Variants in ARHGAP28 observed in about 807,000 individuals in gnomAD.
ARHGAP28 encodes Rho GTPase activating protein 28, also known as rho GTPase-activating protein 28.
In ARHGAP28, 56 loss-of-function variants were observed where a neutral mutation model predicts 90.7. The ratio of observed to expected loss-of-function variants is 0.62; its 90% confidence interval spans 0.50 to 0.77. ARHGAP28 has a LOEUF of 0.77. Ranked by LOEUF, ARHGAP28 falls within the 30% of genes least tolerant of loss-of-function variation. The probability of loss-of-function intolerance (pLI) is 0.00; values close to 1 mark genes in which losing one functional copy is unlikely to be tolerated. For missense variants in ARHGAP28, 869 were observed against 900.9 expected (o/e 0.96, Z 0.45); for synonymous variants, 308 against 323.3 (o/e 0.95, Z 0.51).
chr18:6,747,428 G>C (rs1475339968), intron 1 of ARHGAP28, among the ~76,000 whole-genome samples: 1 of 152,140 alleles, frequency 6.6e-6, no homozygotes, highest in African/African-American at 2.4e-5. Context: ...ATGTTTGGCA[G>C]GGTTTAATTT....
At chr18:6,752,813 C>T (rs535033170) in intron 1 of ARHGAP28, among the ~76,000 whole-genome samples, 4 of 152,300 alleles carry the variant, frequency 2.6e-5, no homozygotes, top group African/African-American at 9.6e-5. Flanking sequence ...CCCCTGGTCA[C>T]AGTTCAGGAA....
At chr18:6,763,142 G>A (rs527535902) in intron 1 of ARHGAP28, among the ~76,000 whole-genome samples, 1 of 152,286 alleles carries the variant, frequency 6.6e-6, no homozygotes, top group Admixed American at 6.5e-5. Flanking sequence ...CCAGGCTGGA[G>A]TGCAGTGGCG....
At chr18:6,849,343 A>T (rs570336000) in intron 3 of ARHGAP28, among the ~76,000 whole-genome samples, 58 of 152,004 alleles carry the variant, frequency 3.8e-4, no homozygotes, top group Non-Finnish European at 7.8e-4. Context: ...GAGAACACTG[A>T]AGTTATTCTA....
At chr18:6,908,817 C>A in intron 16 of ARHGAP28, 143 bp from the exon 17 acceptor site, 1 of 621,610 alleles carries the variant, frequency 1.6e-6, no homozygotes, top group Non-Finnish European at 2.9e-6. Context: ...TTATTTTTAT[C>A]ATAACTTCAG....
At chr18:6,825,348 TATTA>T (rs2056654591) in intron 2 of ARHGAP28, among the ~76,000 whole-genome samples, 1 of 152,230 alleles carries the variant, frequency 6.6e-6, no homozygotes, top group South Asian at 2.1e-4. Flanking sequence ...AATACTTGAC[TATTA>T]ATTACTATTA....
chr18:6,894,708 A>T, intron 14 of ARHGAP28, 127 bp from the exon 15 acceptor site: 1 of 706,992 alleles, frequency 1.4e-6, no homozygotes, highest in Non-Finnish European at 2.4e-6. Context: ...ATTAAAGTGC[A>T]TATACATTTT....
At chr18:6,871,794 A>G (rs980986949) in intron 7 of ARHGAP28, among the ~76,000 whole-genome samples, 14 of 152,306 alleles carry the variant, frequency 9.2e-5, no homozygotes, top group African/African-American at 3.4e-4. Flanking sequence ...CAACCATCCC[A>G]TGACAGAGGA....
chr18:6,826,809 G>T (rs2056667743), intron 2 of ARHGAP28, among the ~76,000 whole-genome samples: 1 of 151,600 alleles, frequency 6.6e-6, no homozygotes, highest in African/African-American at 2.4e-5. Flanking sequence ...AAGGTCTCTG[G>T]TTTTCCTAGG....
At chr18:6,818,064 G>A (rs762939857) in intron 1 of ARHGAP28, among the ~76,000 whole-genome samples, 11 of 152,128 alleles carry the variant, frequency 7.2e-5, no homozygotes, top group Admixed American at 3.3e-4. Flanking sequence ...ACTAACACAC[G>A]GGTTGACTAT....
rs148872068 is a variant in ARHGAP28 at position 6,751,752 on chromosome 18, A to G, written c.122+21809A>G. 2.4e-3 allele frequency among the ~76,000 whole-genome samples: 364 copies of G among 152,338 alleles called. 2 individuals carry two copies. The highest frequency in any genetic ancestry group is 8.4e-3 in the African/African-American group (348 of 41,592). ...AGTTGCTCCCTGCTAGCAGCGTCATAGATCACAAAATAAAATAGTGCTGTC... is the reference window on the plus strand; with the variant it reads ...AGTTGCTCCCTGCTAGCAGCGTCATGGATCACAAAATAAAATAGTGCTGTC... On this transcript the variant is annotated intron_variant, in intron 1 of 17. Transcript: ENST00000383472.
At chr18:6,868,055 ACT>A in intron 5 of ARHGAP28, 93 bp from the exon 6 acceptor site, 2 of 955,402 alleles carry the variant, frequency 2.1e-6, no homozygotes, top group Non-Finnish European at 3.2e-6. Flanking sequence ...TGTGAAAATA[ACT>A]CTTGTATACT....
intron 1 of ARHGAP28, 92 bp downstream of exon 1, chr18:6,730,035 GC>G: frequency 8.4e-7 from 1 of 1,194,352 alleles, no homozygotes. Context: ...GCGCACGACC[GC>G]CGTCACTGGA....
chr18:6,773,532 G>A (rs1479952635), intron 1 of ARHGAP28, among the ~76,000 whole-genome samples: 2 of 152,114 alleles, frequency 1.3e-5, no homozygotes, highest in Non-Finnish European at 2.9e-5. Context: ...AAAATCTGAG[G>A]CCCAAAGAGA....
chr18:6,881,548 C>A (rs762044408), intron 10 of ARHGAP28, among the ~76,000 whole-genome samples: 3 of 152,152 alleles, frequency 2.0e-5, no homozygotes, highest in Non-Finnish European at 4.4e-5. Context: ...GTGTTCCAAA[C>A]CTTACAAAGG....
At chr18:6,731,832 A>C (rs1049997447) in intron 1 of ARHGAP28, among the ~76,000 whole-genome samples, 3 of 152,244 alleles carry the variant, frequency 2.0e-5, no homozygotes, top group Non-Finnish European at 4.4e-5. Flanking sequence ...CTCACTAACT[A>C]ATGATCAATA....
At chr18:6,780,045 G>T (rs1435729804) in intron 1 of ARHGAP28, among the ~76,000 whole-genome samples, 1 of 152,218 alleles carries the variant, frequency 6.6e-6, no homozygotes, top group African/African-American at 2.4e-5. Flanking sequence ...GGTGCTTCCA[G>T]GCAGGGCTGT....
chr18:6,831,383 T>C (rs980622352), intron 2 of ARHGAP28, among the ~76,000 whole-genome samples: 1 of 152,096 alleles, frequency 6.6e-6, no homozygotes, highest in African/African-American at 2.4e-5. Flanking sequence ...TTCATATTCT[T>C]AATGAGATCT....
intron 1 of ARHGAP28, among the ~76,000 whole-genome samples, chr18:6,750,108 C>T (rs187121418): frequency 3.9e-5 from 6 of 152,090 alleles, no homozygotes; most frequent in South Asian, 2.1e-4. Context: ...GGTCTGTGTG[C>T]GTGGTATTAA....
At chr18:6,768,353 T>A (rs1365673228) in intron 1 of ARHGAP28, among the ~76,000 whole-genome samples, 1 of 152,200 alleles carries the variant, frequency 6.6e-6, no homozygotes, top group East Asian at 1.9e-4. Context: ...GTTATTTTGT[T>A]GTTGTTGTTC....
Sources: allele counts gnomAD v4.1 joint callset (sites outside exome capture counted in the v4.1 genomes callset), GRCh38; gene constraint gnomAD v4.1.1; transcripts MANE v1.5; gene names NCBI Gene and HGNC (gene_info 2026-07-23, HGNC 2026-07-21).